The following CDH13 variants were observed in gnomAD, a reference collection of about 807,000 sequenced individuals.
CDH13 encodes cadherin 13, also known as cadherin-13.
CDH13 carries 24 observed loss-of-function variants against 63.8 expected under a neutral mutation model. The observed-to-expected ratio is 0.38, with a 90% CI of 0.27 to 0.53. The LOEUF (loss-of-function observed/expected upper bound fraction) is 0.53, where lower values mean the gene tolerates loss of function less well. Ranked by LOEUF, CDH13 falls within the 20% of genes least tolerant of loss-of-function variation. The probability of loss-of-function intolerance (pLI) is 0.85; values close to 1 mark genes in which losing one functional copy is unlikely to be tolerated. For missense variants in CDH13, 1,049 were observed against 903.1 expected (o/e 1.16, Z -2.07); for synonymous variants, 503 against 355.3 (o/e 1.42, Z -4.67).
At chr16:83,267,598 T>C (rs12920637) in intron 5 of CDH13, among the ~76,000 whole-genome samples, 65,206 of 151,876 alleles carry the variant, frequency 0.43, 14,320 homozygotes, top group East Asian at 0.63. Context: ...AGGAGAGTGT[T>C]TGTTACCGCG....
intron 1 of CDH13, among the ~76,000 whole-genome samples, chr16:82,811,945 A>T (rs1564025): frequency 0.16 from 23,978 of 152,060 alleles, 1,993 homozygotes; most frequent in Admixed American, 0.2. Context: ...AGTATCATGG[A>T]AATATTAAAA....
chr16:83,053,613 G>C (rs11642422), intron 3 of CDH13, among the ~76,000 whole-genome samples: 60,849 of 151,752 alleles, frequency 0.4, 13,225 homozygotes, highest in Middle Eastern at 0.52. Context: ...CAGAAAAATA[G>C]AAAATGAAAA....
intron 5 of CDH13, among the ~76,000 whole-genome samples, chr16:83,298,623 A>C (rs1286021353): frequency 1.3e-5 from 2 of 152,230 alleles, no homozygotes; most frequent in Non-Finnish European, 2.9e-5. Flanking sequence ...AGAGGTAACA[A>C]GTATAGGCTA....
intron 2 of CDH13, chr16:82,954,598 T>TA (rs1905782218): frequency 6.6e-6 from 1 of 152,168 alleles, no homozygotes; most frequent in African/African-American, 2.4e-5. Context: ...CCCTTGTTCT[T>TA]AGAGTTTTTT....
chr16:83,622,327 A>C (rs1329504722), intron 8 of CDH13, among the ~76,000 whole-genome samples: 1 of 151,272 alleles, frequency 6.6e-6, no homozygotes, highest in African/African-American at 2.4e-5. Context: ...ACAGCACTGC[A>C]CTCCCCTGAG....
intron 11 of CDH13, among the ~76,000 whole-genome samples, chr16:83,777,429 A>G (rs891465409): frequency 2.6e-5 from 4 of 152,212 alleles, no homozygotes; most frequent in African/African-American, 9.6e-5. Flanking sequence ...GAGTCTTGGC[A>G]GAACACCCTG....
At chr16:83,720,534 G>A (rs1909552173) in intron 10 of CDH13, among the ~76,000 whole-genome samples, 1 of 152,060 alleles carries the variant, frequency 6.6e-6, no homozygotes, top group African/African-American at 2.4e-5. Flanking sequence ...CTTGAGCGTA[G>A]GAGTTCGAGG....
intron 2 of CDH13, among the ~76,000 whole-genome samples, chr16:82,945,853 T>G (rs1904654902): frequency 6.6e-6 from 1 of 152,160 alleles, no homozygotes; most frequent in Admixed American, 6.5e-5. Flanking sequence ...ATAAAATACC[T>G]ACCTAAAGAC....
chr16:83,574,825 C>G (rs116987946), intron 7 of CDH13, among the ~76,000 whole-genome samples: 50 of 152,240 alleles, frequency 3.3e-4, no homozygotes, highest in Non-Finnish European at 6.2e-4. Flanking sequence ...AATTTACTCC[C>G]TGCAATATCC....
At chr16:83,462,502 A>T (rs560915397) in intron 6 of CDH13, among the ~76,000 whole-genome samples, 1 of 152,368 alleles carries the variant, frequency 6.6e-6, no homozygotes, top group South Asian at 2.1e-4. Context: ...CTGTAATCCC[A>T]GCACTTTGGG....
At chr16:83,663,631 C>G (rs959604747) in intron 8 of CDH13, among the ~76,000 whole-genome samples, 2 of 152,126 alleles carry the variant, frequency 1.3e-5, no homozygotes, top group Admixed American at 6.5e-5. Context: ...AGACATGACT[C>G]CGACTCTTCA....
intron 2 of CDH13, among the ~76,000 whole-genome samples, chr16:82,878,719 C>T (rs1253151580): frequency 6.6e-6 from 1 of 151,286 alleles, no homozygotes; most frequent in African/African-American, 2.4e-5. Context: ...AGGGAACTTA[C>T]AAATCTCCAG....
At chr16:83,055,131 T>A (rs2030783727) in intron 3 of CDH13, among the ~76,000 whole-genome samples, 1 of 151,988 alleles carries the variant, frequency 6.6e-6, no homozygotes, top group Non-Finnish European at 1.5e-5. Flanking sequence ...GAAAATAGTT[T>A]GAATGGAATA....
At chr16:83,234,116 G>C (rs1236071963) in intron 5 of CDH13, among the ~76,000 whole-genome samples, 2 of 152,214 alleles carry the variant, frequency 1.3e-5, no homozygotes, top group Non-Finnish European at 2.9e-5. Context: ...TGAACCCCCA[G>C]GGGCAACCCT....
At chr16:83,234,397 C>A (rs562724699) in intron 5 of CDH13, among the ~76,000 whole-genome samples, 11 of 152,168 alleles carry the variant, frequency 7.2e-5, no homozygotes, top group Non-Finnish European at 1.6e-4. Flanking sequence ...AAATAACCAC[C>A]TGCCCCAAGG....
chr16:82,652,218 T>C (rs1227101864), intron 1 of CDH13, among the ~76,000 whole-genome samples: 1 of 152,162 alleles, frequency 6.6e-6, no homozygotes, highest in Non-Finnish European at 1.5e-5. Context: ...CAGAAAATCA[T>C]TATTGGTTTG....
rs566233898 is a variant in CDH13 at position 83,770,224 on chromosome 16, G to A, written c.1682-9744G>A. On this transcript the variant is annotated intron_variant, in intron 11 of 13. Coordinates refer to ENST00000567109, the MANE Select transcript of CDH13 (RefSeq NM_001257.5). ...ACTGTTGGCCATGTAGGTAAGAAAA[G>A]CACAGGAAACTGTTTTTTACCCTTT... Among the ~76,000 whole-genome samples, 41 of 152,292 alleles carry A rather than the reference G, an allele frequency of 2.7e-4. No individual in the cohort carries two copies. The South Asian group carries it at 8.1e-3, about 30-fold the overall frequency.
intron 11 of CDH13, among the ~76,000 whole-genome samples, chr16:83,765,569 G>GAA (rs1914322984): frequency 1.3e-5 from 2 of 151,672 alleles, no homozygotes; most frequent in Non-Finnish European, 2.9e-5. Context: ...CACACAAAGA[G>GAA]AGAGAGAGAG....
rs553571488 is a variant in CDH13, at chr16:83,692,736, G to T, written c.1538+14275G>T. 9.0e-4 allele frequency among the ~76,000 whole-genome samples: 137 copies of T among 152,204 alleles called. 1 individual carries two copies. The highest frequency in any genetic ancestry group is 1.2e-3 in the Non-Finnish European group (83 of 67,996). On this transcript the variant is annotated intron_variant, in intron 10 of 13. Transcript: ENST00000567109. ...CAGGCTGTCTCTAGAAACTACCCCA[G>T]AGCAGCTGCATGGGAAATGGCAGAC...
Sources: gnomAD v4.1 joint callset for allele counts (sites outside exome capture counted in the v4.1 genomes callset) on GRCh38, gnomAD v4.1.1 for gene constraint, MANE v1.5 for transcripts, NCBI Gene and HGNC (gene_info 2026-07-23, HGNC 2026-07-21) for gene names.